The following CDH18 variants were observed in gnomAD, a reference collection of about 807,000 sequenced individuals.
CDH18 encodes cadherin-18.
A neutral mutation model predicts 67.9 loss-of-function variants in CDH18; 31 were observed. That is an observed-to-expected ratio of 0.46 (90% CI 0.34 to 0.62). The LOEUF (loss-of-function observed/expected upper bound fraction) is 0.62, where lower values mean the gene tolerates loss of function less well. Ranked by LOEUF, CDH18 falls within the 20% of genes least tolerant of loss-of-function variation. CDH18 has a pLI of 0.01. For missense variants in CDH18, 890 were observed against 975.5 expected (o/e 0.91, Z 1.17); for synonymous variants, 362 against 347.2 (o/e 1.04, Z -0.48).
intron 1 of CDH18, among the ~76,000 whole-genome samples, chr5:20,524,827 T>C (rs1402174057): frequency 1.3e-5 from 2 of 152,162 alleles, no homozygotes; most frequent in East Asian, 3.9e-4. Flanking sequence ...ATGTAGACTA[T>C]ACAGCTCCTT....
At chr5:20,221,306 T>C (rs934950135) in intron 2 of CDH18, among the ~76,000 whole-genome samples, 1 of 152,120 alleles carries the variant, frequency 6.6e-6, no homozygotes, top group African/African-American at 2.4e-5. Context: ...TCCTGTCATT[T>C]GCAACTACAT....
intron 2 of CDH18, among the ~76,000 whole-genome samples, chr5:20,213,273 T>C (rs59559600): frequency 0.039 from 5,913 of 152,224 alleles, 144 homozygotes; most frequent in East Asian, 0.071. Flanking sequence ...ACACATTTAT[T>C]GATTAGTTTA....
chr5:20,561,869 AT>A (rs1193759098), intron 1 of CDH18, among the ~76,000 whole-genome samples: 13 of 148,214 alleles, frequency 8.8e-5, no homozygotes, highest in Admixed American at 4.8e-4. Flanking sequence ...TTCATTATTA[AT>A]TTATTTCAGT....
chr5:20,501,107 A>G (rs1337451495), intron 1 of CDH18, among the ~76,000 whole-genome samples: 1 of 152,154 alleles, frequency 6.6e-6, no homozygotes, highest in Non-Finnish European at 1.5e-5. Flanking sequence ...TAAAATGTCA[A>G]TTCTGTCAAC....
At chr5:19,873,145 G>C (rs942891372) in intron 2 of CDH18, among the ~76,000 whole-genome samples, 10 of 151,814 alleles carry the variant, frequency 6.6e-5, no homozygotes, top group African/African-American at 2.2e-4. Flanking sequence ...GGGAAACTTG[G>C]GGAAAAGCTC....
intron 8 of CDH18, among the ~76,000 whole-genome samples, chr5:19,570,822 C>T (rs10941364): frequency 0.56 from 85,708 of 152,000 alleles, 26,617 homozygotes; most frequent in South Asian, 0.73. Flanking sequence ...ATATGCTGGG[C>T]AATGTGTTAA....
chr5:19,526,537 T>C (rs1229880945), intron 9 of CDH18, among the ~76,000 whole-genome samples: 1 of 152,072 alleles, frequency 6.6e-6, no homozygotes, highest in Non-Finnish European at 1.5e-5. Flanking sequence ...CAACAAAATA[T>C]GCCATTCTTC....
intron 2 of CDH18, among the ~76,000 whole-genome samples, chr5:20,242,572 T>C (rs1403014608): frequency 4.2e-5 from 2 of 47,554 alleles, no homozygotes; most frequent in Non-Finnish European, 7.7e-5. Flanking sequence ...TAAGGCTGAT[T>C]CTAGGTTTTG....
At chr5:19,918,687 C>A (rs1306185463) in intron 2 of CDH18, among the ~76,000 whole-genome samples, 2 of 151,812 alleles carry the variant, frequency 1.3e-5, no homozygotes, top group Non-Finnish European at 2.9e-5. Flanking sequence ...TATTAAAATT[C>A]CATTTTGAAA....
upstream of CDH18, chr5:19,988,277 G>T (rs1274750359): frequency 6.6e-6 from 1 of 152,348 alleles, no homozygotes; most frequent in East Asian, 2.0e-4. Context: ...ATTGGCTGGC[G>T]GCGCCTGTCT....
chr5:20,304,418 G>C (rs1279163114), intron 1 of CDH18: 2 of 1,436,790 alleles, frequency 1.4e-6, no homozygotes, highest in African/African-American at 2.8e-5. Flanking sequence ...TACTACTTTG[G>C]GTAGCTCATG....
chr5:19,787,162 T>G (rs1480944305), intron 3 of CDH18, among the ~76,000 whole-genome samples: 1 of 152,194 alleles, frequency 6.6e-6, no homozygotes, highest in Non-Finnish European at 1.5e-5. Context: ...TGCCTTGGCC[T>G]GAACTCAGAG....
intron 3 of CDH18, among the ~76,000 whole-genome samples, chr5:19,816,125 G>T (rs1779262015): frequency 6.6e-6 from 1 of 151,806 alleles, no homozygotes; most frequent in Non-Finnish European, 1.5e-5. Flanking sequence ...TGTCAATATA[G>T]CCAAGATTCT....
chr5:19,502,893 A>G (rs1743494764), intron 11 of CDH18, 99 bp downstream of exon 11: 2 of 794,960 alleles, frequency 2.5e-6, no homozygotes, highest in East Asian at 4.9e-5. Flanking sequence ...TTGAATGCTG[A>G]TTTGCAAGAT....
chr5:20,302,768 T>C (rs1296795618), intron 1 of CDH18, among the ~76,000 whole-genome samples: 3 of 152,252 alleles, frequency 2.0e-5, no homozygotes, highest in Admixed American at 2.0e-4. Flanking sequence ...ACGTGAGCCC[T>C]TGGGCACTGA....
chr5:20,334,949 A>C (rs977303047), intron 1 of CDH18, among the ~76,000 whole-genome samples: 1 of 152,154 alleles, frequency 6.6e-6, no homozygotes, highest in Non-Finnish European at 1.5e-5. Flanking sequence ...TCAATGATGC[A>C]ACAGCCACTT....
chr5:19,820,674 G>T (rs1368192611), intron 3 of CDH18, among the ~76,000 whole-genome samples: 1 of 152,182 alleles, frequency 6.6e-6, no homozygotes, highest in Non-Finnish European at 1.5e-5. Context: ...TGGGGACCTA[G>T]CACCAGTATT....
chr5:20,282,121 G>A (rs536806124), intron 1 of CDH18, among the ~76,000 whole-genome samples: 25 of 152,222 alleles, frequency 1.6e-4, no homozygotes, highest in Middle Eastern at 3.4e-3. Context: ...GGGCTGAGAC[G>A]ATGGGGTTTT....
At chr5:20,304,128 G>C in intron 1 of CDH18, 4 of 1,601,692 alleles carry the variant, frequency 2.5e-6, no homozygotes, top group Non-Finnish European at 3.4e-6. Context: ...ATGGTGACTG[G>C]CATGGTGGCA....
Sources: gnomAD v4.1 joint callset for allele counts (sites outside exome capture counted in the v4.1 genomes callset) on GRCh38, gnomAD v4.1.1 for gene constraint, MANE v1.5 for transcripts, NCBI Gene and HGNC (gene_info 2026-07-23, HGNC 2026-07-21) for gene names.